RAB3GAP2: variants seen among roughly 807,000 people sequenced by gnomAD.
RAB3GAP2 encodes the protein rab3 GTPase-activating protein non-catalytic subunit.
A neutral mutation model predicts 185.3 loss-of-function variants in RAB3GAP2; 87 were observed. The observed-to-expected ratio is 0.47, with a 90% confidence interval of 0.39 to 0.56. The LOEUF (loss-of-function observed/expected upper bound fraction) is 0.56. Ranked by LOEUF, RAB3GAP2 falls within the 20% of genes least tolerant of loss-of-function variation. The probability of loss-of-function intolerance (pLI) is 0.00; values close to 1 mark genes in which losing one functional copy is unlikely to be tolerated. For synonymous variants in RAB3GAP2, 554 were observed against 576.1 expected (o/e 0.96, Z 0.55); for missense variants, 1,492 against 1,638.2 (o/e 0.91, Z 1.54).
At chr1:220,254,607 G>C in intron 1 of RAB3GAP2, 1 of 1,220,636 alleles carries the variant, frequency 8.2e-7, no homozygotes, top group Non-Finnish European at 1.2e-6. Context: ...TCTATCTCTT[G>C]TACAAACAAT....
intron 31 of RAB3GAP2, chr1:220,154,411 A>G (rs1657819415): frequency 4.3e-6 from 1 of 234,566 alleles, no homozygotes; most frequent in Non-Finnish European, 8.4e-6. Flanking sequence ...ATTCACTCTC[A>G]CTTGTTCTGC....
intron 1 of RAB3GAP2, among the ~76,000 whole-genome samples, chr1:220,242,579 T>C (rs1473404264): frequency 2.6e-5 from 4 of 150,980 alleles, no homozygotes; most frequent in African/African-American, 7.2e-5. Flanking sequence ...TATACCACTG[T>C]GTCAATGTAG....
intron 1 of RAB3GAP2, among the ~76,000 whole-genome samples, chr1:220,261,021 A>G (rs562421204): frequency 4.3e-4 from 66 of 152,270 alleles, no homozygotes; most frequent in African/African-American, 1.5e-3. Context: ...TCTGAAAGGT[A>G]GAGTATGAGT....
intron 1 of RAB3GAP2, 141 bp downstream of exon 1, chr1:220,272,082 C>T (rs183656356): frequency 1.2e-4 from 87 of 752,984 alleles, no homozygotes; most frequent in Admixed American, 4.1e-4. Context: ...GGGTGTCATC[C>T]CGGAGCGGAG....
In RAB3GAP2 at chr1:220,191,273, C is replaced by T. The variant is rs773249438; in HGVS notation, c.1282G>A (p.Ala428Thr). 6.1e-5 allele frequency: 95 copies of T among 1,569,442 alleles called. No homozygotes were observed. Among genetic ancestry groups the T allele is most frequent in the South Asian group, 1.8e-4 (16 of 90,410 alleles). The change falls in exon 14 of 35, where the codon GCA becomes ACA. Residue 428 changes from alanine to threonine, a missense_variant. By Grantham distance (58) the Ala-to-Thr change is moderately conservative. This residue lies in a region of RAB3GAP2 where 681 missense variants were observed against 689.1 expected (regional missense o/e 0.99). Transcript: ENST00000358951. ...ACAGTTTGAATCCATCCAATTTGTG[C>T]GTCGCGGTACCCTTAGAGACAGAGG... Reference protein sequence around the residue: ...AIRMWKGYRDAQIGWIQTVED... With the variant: ...AIRMWKGYRDTQIGWIQTVED...
At chr1:220,246,187 A>C (rs944953475) in intron 1 of RAB3GAP2, among the ~76,000 whole-genome samples, 3 of 152,220 alleles carry the variant, frequency 2.0e-5, no homozygotes, top group Non-Finnish European at 1.5e-5. Context: ...GCTCATCATC[A>C]CTGGCCGTCA....
At chr1:220,176,508 A>C (rs1308849716) in intron 21 of RAB3GAP2, among the ~76,000 whole-genome samples, 1 of 152,122 alleles carries the variant, frequency 6.6e-6, no homozygotes, top group African/African-American at 2.4e-5. Context: ...CACCAAAACC[A>C]TTTGCCATGG....
chr1:220,164,683 G>A, intron 27 of RAB3GAP2, 50 bp downstream of exon 27: 1 of 1,572,174 alleles, frequency 6.4e-7, no homozygotes, highest in Non-Finnish European at 8.6e-7. Context: ...GTTAAATCAG[G>A]AAGCCTCTTT....
chr1:220,204,902 A>T (rs1413999683), intron 8 of RAB3GAP2, among the ~76,000 whole-genome samples: 1 of 151,938 alleles, frequency 6.6e-6, no homozygotes, highest in East Asian at 1.9e-4. Context: ...GTCCCTACAA[A>T]GGACATGAAC....
intron 1 of RAB3GAP2, among the ~76,000 whole-genome samples, chr1:220,234,804 A>C (rs968227231): frequency 6.6e-6 from 1 of 152,236 alleles, no homozygotes; most frequent in Non-Finnish European, 1.5e-5. Flanking sequence ...ACTTAAACTC[A>C]GTCCTTAAAA....
In RAB3GAP2 at chr1:220,153,985, T is replaced by C. The variant is rs1657810697; in HGVS notation, c.3628A>G (p.Ile1210Val). Residue 1210 changes from isoleucine to valine, a missense_variant, in exon 32 of 35, where the codon ATT (isoleucine) becomes GTT (valine). By Grantham distance (29) the Ile-to-Val change is conservative. Coordinates refer to ENST00000358951, the MANE Select transcript of RAB3GAP2 (RefSeq NM_012414.4). ...TAATTTACCTGTTGTCGTACAGAAATAAAATTTGGATCCATTTCCCCACTA... is the reference window on the plus strand; with the variant it reads ...TAATTTACCTGTTGTCGTACAGAAACAAAATTTGGATCCATTTCCCCACTA... ...LPSGEMDPNF[I>V]SVRQQFLLKV... 1 of 1,613,512 alleles carries C rather than the reference T, an allele frequency of 6.2e-7. No homozygotes were observed. Among genetic ancestry groups the C allele is most frequent in the Non-Finnish European group, 8.5e-7 (1 of 1,179,800 alleles).
chr1:220,231,775 A>G (rs1284639966), intron 2 of RAB3GAP2, among the ~76,000 whole-genome samples: 6 of 152,342 alleles, frequency 3.9e-5, no homozygotes, highest in Admixed American at 3.9e-4. Flanking sequence ...AGAGTCATGA[A>G]AAGCCCAAGT....
chr1:220,213,421 A>T (rs1330284229), intron 3 of RAB3GAP2, among the ~76,000 whole-genome samples: 1 of 152,070 alleles, frequency 6.6e-6, no homozygotes, highest in African/African-American at 2.4e-5. Context: ...AAAAACCTCA[A>T]TTTTAATCTT....
chr1:220,226,276 A>T (rs1659400828), intron 2 of RAB3GAP2, among the ~76,000 whole-genome samples: 1 of 152,184 alleles, frequency 6.6e-6, no homozygotes, highest in African/African-American at 2.4e-5. Flanking sequence ...CCATTAAATC[A>T]GTCTTGCCAT....
At chr1:220,272,162 AC>A in intron 1 of RAB3GAP2, 60 bp downstream of exon 1, 2 of 1,408,618 alleles carry the variant, frequency 1.4e-6, no homozygotes, top group Non-Finnish European at 2.0e-6. Flanking sequence ...GGAGACTCGA[AC>A]CCGTGAGCAG....
intron 4 of RAB3GAP2, among the ~76,000 whole-genome samples, chr1:220,211,542 G>T (rs1421406441): frequency 1.3e-5 from 2 of 152,160 alleles, no homozygotes; most frequent in African/African-American, 4.8e-5. Context: ...AAACTGCTCT[G>T]ATCATCTATT....
In RAB3GAP2 at chr1:220,182,922, G is replaced by C. The variant is rs201613456; in HGVS notation, c.2008C>G (p.Leu670Val). Residue 670 changes from leucine to valine, a missense_variant, in exon 20 of 35, where the codon CTG becomes GTG. Coordinates refer to ENST00000358951, the MANE Select transcript of RAB3GAP2 (RefSeq NM_012414.4). The stretch of plus-strand genomic sequence containing the variant: ...TCTTTTTCATCAAGCCTTAGTAACA[G>C]AGCCAAGTCCTTTAAAACAGAAAAC... Reference protein sequence around the residue: ...DTPFSDNDLALLLRLDEKELL... With the variant: ...DTPFSDNDLAVLLRLDEKELL... 1,163 of 1,611,126 alleles carry C rather than the reference G, an allele frequency of 7.2e-4. 16 individuals carry two copies. The South Asian group carries it at 0.012, about 16-fold the overall frequency.
At chr1:220,202,502 CA>C in intron 8 of RAB3GAP2, 128 bp from the exon 9 acceptor site, 2 of 958,888 alleles carry the variant, frequency 2.1e-6, no homozygotes, top group Admixed American at 4.1e-5. Flanking sequence ...GTAATGAAAA[CA>C]AGGCATAAGG....
chr1:220,230,327 C>T (rs1659474717), intron 2 of RAB3GAP2, among the ~76,000 whole-genome samples: 1 of 152,188 alleles, frequency 6.6e-6, no homozygotes, highest in Non-Finnish European at 1.5e-5. Context: ...ATAGCAAAAG[C>T]CATGCAATAG....
Sources: allele counts gnomAD v4.1 joint callset (sites outside exome capture counted in the v4.1 genomes callset), GRCh38; gene constraint gnomAD v4.1.1; regional missense constraint gnomAD v4.1.1; transcripts MANE v1.5; gene names NCBI Gene and HGNC (gene_info 2026-07-23, HGNC 2026-07-21).